CNTN4: variants seen among roughly 807,000 people sequenced by gnomAD.
CNTN4 encodes contactin-4.
CNTN4 carries 77 observed loss-of-function variants against 122.5 expected under a neutral mutation model. That is an observed-to-expected ratio of 0.63 (90% CI 0.52 to 0.76). CNTN4 has a LOEUF of 0.76. Ranked by LOEUF, CNTN4 falls within the 30% of genes least tolerant of loss-of-function variation. CNTN4 has a pLI of 0.00. For missense variants in CNTN4, 1,256 were observed against 1,259.1 expected, an observed-to-expected ratio of 1.00 and a Z score of 0.04; for synonymous variants, 512 against 447.0, an observed-to-expected ratio of 1.15 and a Z score of -1.83.
At chr3:2,515,027 A>G (rs35073826) in intron 3 of CNTN4, among the ~76,000 whole-genome samples, 20,319 of 148,638 alleles carry the variant, frequency 0.14, 1,760 homozygotes, top group Non-Finnish European at 0.2. Context: ...TCTCTTTTTC[A>G]TCAGTTAATT....
chr3:2,886,408 AAT>A (rs1491070303), intron 9 of CNTN4, among the ~76,000 whole-genome samples: 6 of 140,760 alleles, frequency 4.3e-5, no homozygotes, highest in African/African-American at 5.1e-5. Context: ...AATAAAAAAA[AAT>A]ATATTAAAAA....
chr3:2,797,055 C>T (rs530368361), intron 6 of CNTN4, among the ~76,000 whole-genome samples: 1 of 152,252 alleles, frequency 6.6e-6, no homozygotes, highest in East Asian at 1.9e-4. Flanking sequence ...GGCTAGAGGG[C>T]AGGGGCATGA....
intron 14 of CNTN4, among the ~76,000 whole-genome samples, chr3:3,020,149 T>G (rs1373377015): frequency 6.6e-6 from 1 of 152,094 alleles, no homozygotes; most frequent in African/African-American, 2.4e-5. Flanking sequence ...ATACTTAATA[T>G]AGCTTCCTGA....
intron 3 of CNTN4, among the ~76,000 whole-genome samples, chr3:2,499,234 G>T (rs1418008960): frequency 6.6e-6 from 1 of 152,170 alleles, no homozygotes; most frequent in Non-Finnish European, 1.5e-5. Context: ...GTGAGATTTA[G>T]GTTGATATTC....
chr3:2,528,759 A>C (rs2077490039), intron 3 of CNTN4, among the ~76,000 whole-genome samples: 1 of 152,060 alleles, frequency 6.6e-6, no homozygotes, highest in South Asian at 2.1e-4. Context: ...TTAATACTCC[A>C]TAATTAGCCT....
At chr3:2,159,536 A>G (rs1014694379) in intron 2 of CNTN4, among the ~76,000 whole-genome samples, 2 of 152,180 alleles carry the variant, frequency 1.3e-5, no homozygotes, top group Admixed American at 1.3e-4. Flanking sequence ...GCTTTGAGAC[A>G]GTTGCCATGA....
intron 2 of CNTN4, among the ~76,000 whole-genome samples, chr3:2,294,358 C>T (rs1029701750): frequency 3.4e-5 from 5 of 148,160 alleles, no homozygotes; most frequent in Non-Finnish European, 5.9e-5. Context: ...GGGGTAGGTG[C>T]GGTGGCTCAC....
chr3:2,557,493 C>T (rs1454589385), intron 3 of CNTN4, among the ~76,000 whole-genome samples: 7 of 152,002 alleles, frequency 4.6e-5, no homozygotes, highest in Non-Finnish European at 7.4e-5. Flanking sequence ...TTTGGGAGGC[C>T]GAGGCGGGCA....
rs749276304 is a variant in CNTN4, at chr3:3,040,315, C to G, written c.2398+44C>G. 10 of 1,430,316 alleles carry G rather than the reference C, an allele frequency of 7.0e-6. No homozygotes were observed. In the Admixed American group the frequency reaches 1.7e-4, roughly 24 times the overall value. The allele number at this position is 1,430,316 out of a possible 1,614,324, so 88.6% of individuals were successfully genotyped here. On this transcript the variant is annotated intron_variant, in intron 20 of 24. Coordinates refer to ENST00000418658, the MANE Select transcript of CNTN4 (RefSeq NM_175607.3). ...AGATCATTGACTGTTAATATTTCTT[C>G]AATTCTAAAATGTGGATTGTAGCAC...
At chr3:2,515,815 G>C (rs1412901981) in intron 3 of CNTN4, among the ~76,000 whole-genome samples, 1 of 152,030 alleles carries the variant, frequency 6.6e-6, no homozygotes, top group African/African-American at 2.4e-5. Flanking sequence ...TGTAGGACAT[G>C]GATTGTAGTG....
At chr3:2,259,540 G>C (rs146956508) in intron 2 of CNTN4, among the ~76,000 whole-genome samples, 6 of 152,150 alleles carry the variant, frequency 3.9e-5, no homozygotes, top group Non-Finnish European at 8.8e-5. Flanking sequence ...ACAGTTCCAC[G>C]TGTCTGGAGA....
rs184724451 is a variant in CNTN4, at chr3:2,399,902, A to G, written c.-89+60669A>G. ...CATGCTGTGGTGGAAATCTACTTGT[A>G]AAGAGTAACCTCTGCATTTTTCTTC... On this transcript the variant is annotated intron_variant, in intron 3 of 24. Coordinates refer to ENST00000418658, the MANE Select transcript of CNTN4 (RefSeq NM_175607.3). Among the ~76,000 whole-genome samples, 296 of 152,232 alleles carry G rather than the reference A, an allele frequency of 1.9e-3. 1 individual carries two copies. Among genetic ancestry groups the G allele is most frequent in the African/African-American group, 6.7e-3 (277 of 41,570 alleles).
chr3:2,932,416 G>T (rs1415740245), intron 13 of CNTN4, among the ~76,000 whole-genome samples: 1 of 151,978 alleles, frequency 6.6e-6, no homozygotes, highest in Non-Finnish European at 1.5e-5. Context: ...TACAAATTGA[G>T]ATTCTTATAG....
chr3:2,790,266 GC>G (rs1324175181), intron 6 of CNTN4, among the ~76,000 whole-genome samples: 2 of 152,138 alleles, frequency 1.3e-5, no homozygotes, highest in African/African-American at 4.8e-5. Context: ...TGTATTTGGG[GC>G]CATGTAAAGG....
chr3:2,125,277 G>T (rs986012425), intron 2 of CNTN4, among the ~76,000 whole-genome samples: 1 of 151,064 alleles, frequency 6.6e-6, no homozygotes, highest in Non-Finnish European at 1.5e-5. Context: ...CATGTATGTT[G>T]TCACATATGG....
At chr3:2,121,593 T>C (rs2033788486) in intron 2 of CNTN4, among the ~76,000 whole-genome samples, 1 of 152,206 alleles carries the variant, frequency 6.6e-6, no homozygotes, top group South Asian at 2.1e-4. Flanking sequence ...TGTGCTGTAT[T>C]TGGAACCTTT....
At chr3:2,863,761 G>T (rs376008980) in intron 7 of CNTN4, among the ~76,000 whole-genome samples, 1 of 144,606 alleles carries the variant, frequency 6.9e-6, no homozygotes, top group East Asian at 3.6e-4. Flanking sequence ...GGAGTTTCAA[G>T]GACATTGGCA....
intron 3 of CNTN4, among the ~76,000 whole-genome samples, chr3:2,416,636 CAG>C (rs759901657): frequency 1.6e-4 from 24 of 152,122 alleles, no homozygotes; most frequent in Admixed American, 4.6e-4. Context: ...TAACAAAAAT[CAG>C]AGGGCTTTCC....
chr3:2,256,559 C>T (rs1483267833), intron 2 of CNTN4, among the ~76,000 whole-genome samples: 10 of 152,206 alleles, frequency 6.6e-5, no homozygotes, highest in East Asian at 5.8e-4. Context: ...ACTGGCAAAC[C>T]GAATCCAGCA....
Sources: gnomAD v4.1 joint callset for allele counts (sites outside exome capture counted in the v4.1 genomes callset) on GRCh38, gnomAD v4.1.1 for gene constraint, MANE v1.5 for transcripts, NCBI Gene and HGNC (gene_info 2026-07-23, HGNC 2026-07-21) for gene names.